GALNTL5: variants seen among roughly 807,000 people sequenced by gnomAD.
The protein encoded by GALNTL5 is inactive polypeptide N-acetylgalactosaminyltransferase-like protein 5.
A neutral mutation model predicts 51.0 loss-of-function variants in GALNTL5; 44 were observed. That is an observed-to-expected ratio of 0.86 (90% confidence interval 0.68 to 1.11). The LOEUF is 1.11. Among genes scored for constraint, GALNTL5 ranks in the 50% least tolerant of loss-of-function variants. The probability of loss-of-function intolerance (pLI) is 0.00; values close to 1 mark genes in which losing one functional copy is unlikely to be tolerated. For synonymous variants in GALNTL5, 192 were observed against 182.8 expected (o/e 1.05, Z -0.41); for missense variants, 528 against 531.8 (o/e 0.99, Z 0.07).
chr7:151,984,759 T>C (rs4726126), intron 4 of GALNTL5, among the ~76,000 whole-genome samples: 108,906 of 151,922 alleles, frequency 0.72, 39,881 homozygotes, highest in Middle Eastern at 0.88. Flanking sequence ...AAGAAGTCAC[T>C]GGGAAAGCCA....
chr7:152,011,284 T>C (rs935252271), intron 7 of GALNTL5, among the ~76,000 whole-genome samples: 1 of 152,240 alleles, frequency 6.6e-6, no homozygotes, highest in Non-Finnish European at 1.5e-5. Flanking sequence ...AGTGCTACTA[T>C]TGCTCGTGGA....
At chr7:151,988,741 C>T (rs2081392110) in intron 5 of GALNTL5, among the ~76,000 whole-genome samples, 1 of 143,556 alleles carries the variant, frequency 7.0e-6, no homozygotes, top group Non-Finnish European at 1.5e-5. Context: ...AGACAGTTTC[C>T]CTCTGTCACC....
chr7:151,988,433 T>C (rs1170797089), intron 5 of GALNTL5, among the ~76,000 whole-genome samples: 1 of 152,072 alleles, frequency 6.6e-6, no homozygotes, highest in Non-Finnish European at 1.5e-5. Flanking sequence ...CATTGCAAGC[T>C]GATGAAATGT....
At chr7:151,980,987 C>T (rs1042007019) in intron 3 of GALNTL5, among the ~76,000 whole-genome samples, 1 of 151,840 alleles carries the variant, frequency 6.6e-6, no homozygotes, top group South Asian at 2.1e-4. Context: ...CCTCGTGATC[C>T]GCCCTCCTCA....
chr7:151,963,728 G>A (rs1881644), intron 1 of GALNTL5, among the ~76,000 whole-genome samples: 21,217 of 152,120 alleles, frequency 0.14, 1,810 homozygotes, highest in Admixed American at 0.21. Context: ...GTGAACAATC[G>A]TGTTTTAAAT....
intron 5 of GALNTL5, among the ~76,000 whole-genome samples, chr7:151,993,647 A>G (rs1345733679): frequency 1.3e-5 from 2 of 151,994 alleles, no homozygotes; most frequent in Non-Finnish European, 2.9e-5. Context: ...CTGAGACAGG[A>G]TCTCTCTCTG....
chr7:152,007,475 G>A (rs2081661280), intron 6 of GALNTL5, among the ~76,000 whole-genome samples: 1 of 132,132 alleles, frequency 7.6e-6, no homozygotes, highest in Non-Finnish European at 1.5e-5. Flanking sequence ...CTGGAGTGCT[G>A]TGGCACGATC....
intron 1 of GALNTL5, among the ~76,000 whole-genome samples, chr7:151,964,778 G>C (rs2081036943): frequency 6.6e-6 from 1 of 152,128 alleles, no homozygotes; most frequent in Non-Finnish European, 1.5e-5. Flanking sequence ...GTCTTCAGGG[G>C]GACGACCCAG....
intron 3 of GALNTL5, among the ~76,000 whole-genome samples, chr7:151,981,382 A>G (rs1260224832): frequency 6.6e-6 from 1 of 152,114 alleles, no homozygotes; most frequent in Non-Finnish European, 1.5e-5. Context: ...AGGTAGGTTG[A>G]TATCGCTATT....
intron 2 of GALNTL5, among the ~76,000 whole-genome samples, chr7:151,968,496 T>C (rs2081087589): frequency 6.6e-6 from 1 of 152,142 alleles, no homozygotes; most frequent in South Asian, 2.1e-4. Context: ...TAAGCACTAC[T>C]CCAGCGTGTG....
At position 151,979,864 on chromosome 7, in the gene GALNTL5, A is replaced by G. The variant is rs191322973; in HGVS notation, c.369-3122A>G. On this transcript the variant is annotated intron_variant, in intron 3 of 8. Coordinates refer to ENST00000392800, the MANE Select transcript of GALNTL5 (RefSeq NM_145292.4). ...TCTAAAGAGTCCTCATGTGAGTTTC[A>G]GGCTCCTCCACCAACATCAAACTGA... is the stretch of plus-strand genomic sequence containing the variant. Among the ~76,000 whole-genome samples the G allele has an allele frequency of 4.7e-3, 714 of 152,300 alleles. 2 individuals are homozygous for G. Among genetic ancestry groups the G allele is most frequent in the African/African-American group, 0.015 (638 of 41,572 alleles).
chr7:151,983,100 G>C lies in GALNTL5; in HGVS notation c.483G>C (p.Thr161=). 6.2e-7 allele frequency: 1 copy of C among 1,614,092 alleles called. No homozygotes were observed. Among genetic ancestry groups the C allele is most frequent in the East Asian group, 2.2e-5 (1 of 44,880 alleles). ...CCATGTCCAGTGTCACGAACCTCACGCCACACTATTTTCTTGAAGAAATTA... is the reference window on the plus strand; with the variant it reads ...CCATGTCCAGTGTCACGAACCTCACCCCACACTATTTTCTTGAAGAAATTA... ...FQTMSSVTNL[T]PHYFLEEIIL... Residue 161 remains threonine, a synonymous_variant, in exon 4 of 9, where the codon ACG becomes ACC. Coordinates refer to ENST00000392800, the MANE Select transcript of GALNTL5 (RefSeq NM_145292.4).
chr7:151,996,718 T>C (rs531663728), intron 5 of GALNTL5, among the ~76,000 whole-genome samples: 2 of 151,730 alleles, frequency 1.3e-5, no homozygotes, highest in South Asian at 4.2e-4. Context: ...CACTGTGCTC[T>C]AGACAGAGCA....
At chr7:151,999,354 A>G (rs774916698) in intron 5 of GALNTL5, among the ~76,000 whole-genome samples, 9 of 152,156 alleles carry the variant, frequency 5.9e-5, no homozygotes, top group Admixed American at 2.6e-4. Context: ...ATTTGTTTGA[A>G]TTCTTTTGGG....
At chr7:151,957,382 TAA>T (rs33975032) in intron 1 of GALNTL5, among the ~76,000 whole-genome samples, 57,405 of 133,218 alleles carry the variant, frequency 0.43, 12,399 homozygotes, top group Middle Eastern at 0.57. Flanking sequence ...CATCTCTATT[TAA>T]AAAAAAAAAA....
At chr7:152,003,356 G>A (rs1427240118) in intron 6 of GALNTL5, among the ~76,000 whole-genome samples, 1 of 152,198 alleles carries the variant, frequency 6.6e-6, no homozygotes, top group Non-Finnish European at 1.5e-5. Flanking sequence ...GCTGTGCACT[G>A]CACATCTCCA....
chr7:151,980,429 C>T (rs2081264183), intron 3 of GALNTL5, among the ~76,000 whole-genome samples: 1 of 152,180 alleles, frequency 6.6e-6, no homozygotes, highest in Admixed American at 6.5e-5. Flanking sequence ...TTCCCACTCA[C>T]CGTTACAGAC....
At chr7:152,003,436 A>G (rs2081607138) in intron 6 of GALNTL5, among the ~76,000 whole-genome samples, 1 of 152,248 alleles carries the variant, frequency 6.6e-6, no homozygotes, top group South Asian at 2.1e-4. Flanking sequence ...GATGGCCCTC[A>G]GTTGGCACAA....
chr7:152,009,015 T>G (rs978498898), intron 7 of GALNTL5, among the ~76,000 whole-genome samples: 1 of 152,230 alleles, frequency 6.6e-6, no homozygotes, highest in African/African-American at 2.4e-5. Flanking sequence ...TGACAACTAA[T>G]TTATTATTCA....
Sources: allele counts gnomAD v4.1 joint callset (sites outside exome capture counted in the v4.1 genomes callset), GRCh38; gene constraint gnomAD v4.1.1; transcripts MANE v1.5; gene names NCBI Gene and HGNC (gene_info 2026-07-23, HGNC 2026-07-21).